Variants in SH3D19 observed in about 807,000 individuals in gnomAD.
SH3D19 encodes the protein SH3 domain containing 19, also known as SH3 domain-containing protein 19.
Under a neutral mutation model 112.1 loss-of-function variants are expected in SH3D19, and 58 were observed. That is an observed-to-expected ratio of 0.52 (90% CI 0.42 to 0.64). SH3D19 has a LOEUF of 0.64. SH3D19 is among the 30% of genes least tolerant of loss of function. The pLI is 0.00. For synonymous variants in SH3D19, 391 were observed against 448.5 expected (o/e 0.87, Z 1.62); for missense variants, 1,090 against 1,263.4 (o/e 0.86, Z 2.08).
intron 1 of SH3D19, among the ~76,000 whole-genome samples, chr4:151,305,892 T>C (rs950399909): frequency 1.3e-5 from 2 of 152,244 alleles, no homozygotes; most frequent in African/African-American, 4.8e-5. Context: ...CATCAGGATA[T>C]TGTGTACCAG....
chr4:151,275,268 T>C (rs1218018341), intron 1 of SH3D19, among the ~76,000 whole-genome samples: 1 of 152,022 alleles, frequency 6.6e-6, no homozygotes, highest in Non-Finnish European at 1.5e-5. Context: ...TTGTATTTTT[T>C]AGTAGAGACG....
chr4:151,233,120 G>A (rs545472341), intron 1 of SH3D19, among the ~76,000 whole-genome samples: 4 of 151,894 alleles, frequency 2.6e-5, no homozygotes, highest in African/African-American at 9.7e-5. Context: ...TTCCTTATGA[G>A]AATCTAATGT....
chr4:151,224,769 ACTC>A (rs953826834), intron 2 of SH3D19, among the ~76,000 whole-genome samples: 1 of 151,456 alleles, frequency 6.6e-6, no homozygotes, highest in African/African-American at 2.4e-5. Flanking sequence ...CTAGTCTTGA[ACTC>A]CTGGGCTCAA....
chr4:151,159,415 G>T, intron 8 of SH3D19, 63 bp from the exon 9 acceptor site: 1 of 969,324 alleles, frequency 1.0e-6, no homozygotes, highest in Non-Finnish European at 1.6e-6. Context: ...AGAATGAAAT[G>T]ATTGCTGCTT....
At chr4:151,230,595 G>T (rs1769533030) in intron 1 of SH3D19, among the ~76,000 whole-genome samples, 1 of 148,886 alleles carries the variant, frequency 6.7e-6, no homozygotes, top group African/African-American at 2.5e-5. Context: ...TTTAAAGTGA[G>T]TCTTTTTTTT....
intron 2 of SH3D19, among the ~76,000 whole-genome samples, chr4:151,214,851 A>G (rs1279944784): frequency 1.4e-5 from 2 of 145,492 alleles, no homozygotes; most frequent in Non-Finnish European, 3.1e-5. Context: ...GCTGCCGGGC[A>G]GAGACGCTCC....
intron 2 of SH3D19, among the ~76,000 whole-genome samples, chr4:151,225,675 A>C (rs553271640): frequency 1.3e-5 from 2 of 152,274 alleles, no homozygotes; most frequent in East Asian, 3.9e-4. Flanking sequence ...AATATCTTTT[A>C]AATTTCTACA....
At chr4:151,213,207 G>A (rs1347166820) in intron 2 of SH3D19, among the ~76,000 whole-genome samples, 2 of 152,212 alleles carry the variant, frequency 1.3e-5, no homozygotes, top group African/African-American at 2.4e-5. Flanking sequence ...AGTTGATAAA[G>A]CAGTGGTAGG....
chr4:151,308,172 C>T (rs1729104398), intron 1 of SH3D19, among the ~76,000 whole-genome samples: 1 of 152,308 alleles, frequency 6.6e-6, no homozygotes, highest in African/African-American at 2.4e-5. Context: ...TCCCAAAGTG[C>T]TGGGATTACA....
chr4:151,248,977 T>G (rs1771155044), intron 1 of SH3D19, among the ~76,000 whole-genome samples: 1 of 152,236 alleles, frequency 6.6e-6, no homozygotes, highest in Non-Finnish European at 1.5e-5. Context: ...TGGCCATCTG[T>G]TACTTTTCTT....
At chr4:151,249,075 C>T in intron 1 of SH3D19, among the ~76,000 whole-genome samples, 1 of 152,130 alleles carries the variant, frequency 6.6e-6, no homozygotes, top group African/African-American at 2.4e-5. Context: ...TGTGTACTTA[C>T]ATGAATGCCC....
In SH3D19 at chr4:151,212,497, G is replaced by T. The variant is rs147299145; in HGVS notation, c.152+13550C>A. On this transcript the variant is annotated intron_variant, in intron 2 of 19. Coordinates refer to ENST00000604030, the MANE Select transcript of SH3D19 (RefSeq NM_001378122.1). ...TTAAGAATTATGATAAATCTATTCT[G>T]CCAGTGCCAGTGGAACAACAAAGCC... is the stretch of plus-strand genomic sequence containing the variant. 3.0e-3 allele frequency among the ~76,000 whole-genome samples: 464 copies of T among 152,260 alleles called. 1 individual carries two copies. The highest frequency in any genetic ancestry group is 0.011 in the African/African-American group (442 of 41,562).
At chr4:151,268,996 G>C (rs550354214) in intron 1 of SH3D19, among the ~76,000 whole-genome samples, 43 of 152,274 alleles carry the variant, frequency 2.8e-4, no homozygotes, top group African/African-American at 1.0e-3. Flanking sequence ...TCTAGTTCTA[G>C]ATCCCTGAGG....
intron 7 of SH3D19, among the ~76,000 whole-genome samples, chr4:151,169,419 G>C (rs1360880220): frequency 6.6e-6 from 1 of 152,134 alleles, no homozygotes; most frequent in African/African-American, 2.4e-5. Context: ...AGTGAGCTCT[G>C]CATCTGCCTC....
At chr4:151,286,778 G>A (rs543804412) in intron 1 of SH3D19, among the ~76,000 whole-genome samples, 57 of 151,650 alleles carry the variant, frequency 3.8e-4, no homozygotes, top group African/African-American at 9.7e-4. Context: ...CCAGGAGTTC[G>A]AGACGAGCCT....
intron 1 of SH3D19, among the ~76,000 whole-genome samples, chr4:151,254,907 G>A (rs1438847026): frequency 1.3e-5 from 2 of 150,636 alleles, no homozygotes; most frequent in African/African-American, 4.9e-5. Flanking sequence ...CCGGGCAGAG[G>A]CGCCCCTCAC....
At chr4:151,316,528 T>C (rs1161577845) in intron 1 of SH3D19, among the ~76,000 whole-genome samples, 1 of 152,208 alleles carries the variant, frequency 6.6e-6, no homozygotes, top group Non-Finnish European at 1.5e-5. Context: ...CTTTGTACTA[T>C]CTTCACAATT....
At chr4:151,324,728 C>T (rs1405589767) in intron 1 of SH3D19, among the ~76,000 whole-genome samples, 1 of 146,804 alleles carries the variant, frequency 6.8e-6, no homozygotes, top group African/African-American at 2.5e-5. Context: ...GGTCTCACAA[C>T]TAACGAAAAC....
intron 3 of SH3D19, among the ~76,000 whole-genome samples, chr4:151,182,192 C>G (rs1761068954): frequency 6.6e-6 from 1 of 152,030 alleles, no homozygotes; most frequent in South Asian, 2.1e-4. Context: ...TTTTGCTATG[C>G]TGCCCAGACT....
Sources: allele counts gnomAD v4.1 joint callset (sites outside exome capture counted in the v4.1 genomes callset), GRCh38; gene constraint gnomAD v4.1.1; transcripts MANE v1.5; gene names NCBI Gene and HGNC (gene_info 2026-07-23, HGNC 2026-07-21).